DROSHA: variants seen among roughly 807,000 people sequenced by gnomAD.
DROSHA encodes drosha ribonuclease III, also known as ribonuclease 3.
In DROSHA, 56 loss-of-function variants were observed where a neutral mutation model predicts 181.9. The observed-to-expected ratio is 0.31, with a 90% CI of 0.25 to 0.38. The LOEUF (loss-of-function observed/expected upper bound fraction) is 0.38, where lower values mean the gene tolerates loss of function less well. Among genes scored for constraint, DROSHA ranks in the 10% least tolerant of loss-of-function variants. The probability of loss-of-function intolerance (pLI) is 1.00; values close to 1 mark genes in which losing one functional copy is unlikely to be tolerated. For missense variants in DROSHA, 1,218 were observed against 1,743.5 expected, an observed-to-expected ratio of 0.70 and a Z score of 5.37; for synonymous variants, 524 against 591.2, an observed-to-expected ratio of 0.89 and a Z score of 1.65.
At chr5:31,413,167 A>G (rs564526334) in intron 30 of DROSHA, among the ~76,000 whole-genome samples, 1 of 152,266 alleles carries the variant, frequency 6.6e-6, no homozygotes, top group East Asian at 1.9e-4. Flanking sequence ...TGAAGGAGGA[A>G]AGCAGTGAGG....
chr5:31,475,719 A>G (rs1186394382), intron 16 of DROSHA, among the ~76,000 whole-genome samples: 1 of 152,230 alleles, frequency 6.6e-6, no homozygotes, highest in Admixed American at 6.5e-5. Context: ...GGGGTCTAAA[A>G]TACCGTAAGA....
At position 31,525,393 on chromosome 5, in the gene DROSHA, A is replaced by G. The variant is rs568271877; in HGVS notation, c.854+686T>C. Among the ~76,000 whole-genome samples the G allele has an allele frequency of 4.0e-5, 6 of 148,656 alleles. No homozygotes were observed. In the South Asian group the frequency reaches 1.3e-3, roughly 32 times the overall value. On this transcript the variant is annotated intron_variant, in intron 5 of 35. Coordinates refer to ENST00000344624, the MANE Select transcript of DROSHA (RefSeq NM_001382508.1). ...GTCACGTGCACCTGTAATCCCAGCT[A>G]CTTGGGAGGCTGAGGTGAGAGAATT... is the stretch of plus-strand genomic sequence containing the variant.
intron 30 of DROSHA, among the ~76,000 whole-genome samples, chr5:31,415,230 T>G (rs1741795362): frequency 6.6e-6 from 1 of 152,162 alleles, no homozygotes; most frequent in African/African-American, 2.4e-5. Context: ...CTAGTGTAAA[T>G]TAAGCAGACT....
intron 19 of DROSHA, among the ~76,000 whole-genome samples, chr5:31,465,578 T>G (rs1363257172): frequency 1.3e-5 from 2 of 152,204 alleles, no homozygotes; most frequent in Admixed American, 6.5e-5. Context: ...TTTTAGGGAT[T>G]GATACAGTTA....
intron 15 of DROSHA, among the ~76,000 whole-genome samples, chr5:31,484,452 A>C (rs1751492247): frequency 6.7e-6 from 1 of 150,186 alleles, no homozygotes; most frequent in African/African-American, 2.4e-5. Flanking sequence ...TCCAAGAACC[A>C]AGCATCAAGT....
At chr5:31,439,662 CAT>C (rs1414394472) in intron 23 of DROSHA, among the ~76,000 whole-genome samples, 3 of 152,068 alleles carry the variant, frequency 2.0e-5, no homozygotes, top group Non-Finnish European at 2.9e-5. Context: ...TAGGAAAAAA[CAT>C]AGTACATAAA....
intron 30 of DROSHA, among the ~76,000 whole-genome samples, chr5:31,420,924 G>GAT (rs1341679700): frequency 6.6e-6 from 1 of 152,108 alleles, no homozygotes; most frequent in Non-Finnish European, 1.5e-5. Flanking sequence ...ATAAACTCAT[G>GAT]ATATATATAC....
intron 22 of DROSHA, 106 bp downstream of exon 22, chr5:31,449,175 A>C: frequency 7.1e-7 from 1 of 1,411,316 alleles, no homozygotes; most frequent in Non-Finnish European, 9.5e-7. Flanking sequence ...AGAATATGAG[A>C]CGGTGAAAGA....
Position 31,410,974 on chromosome 5 carries a change from G to A in DROSHA, c.3526-87C>T, listed in dbSNP as rs968774323. On this transcript the variant is annotated intron_variant, in intron 30 of 35. Coordinates refer to ENST00000344624, the MANE Select transcript of DROSHA (RefSeq NM_001382508.1). ...GGGTTGGACCCAACTAGCCTGAGAG[G>A]CTGTCACTGACAGGGACACCAAAAT... The A allele has an allele frequency of 4.5e-6, 7 of 1,557,956 alleles. No homozygotes were observed. The Admixed American group carries it at 1.3e-4, about 28-fold the overall frequency.
rs968712619 is a variant in DROSHA at position 31,424,339 on chromosome 5, A to G, written c.3261+88T>C. 4.7e-6 allele frequency: 7 copies of G among 1,481,152 alleles called. No homozygotes were observed. The African/African-American group carries it at 5.6e-5, about 12-fold the overall frequency. The allele number at this position is 1,481,152 out of a possible 1,614,324, so 91.8% of individuals were successfully genotyped here. ...ATGCCACCGAAGAGAATCAAAAGAT[A>G]AAAGTGGGGAAGGAAAAAAAGGCAA... On this transcript the variant is annotated intron_variant, in intron 28 of 35. Transcript: ENST00000344624.
rs397997264 is a variant in DROSHA at position 31,405,791 on chromosome 5, T to TTC, written c.3948-69_3948-68insGA. ...TCTTTTTTTTTTTTTTTTTTTTTTT[T>TTC]CAAAAAATGCAAGGTATGGCTACAA... On this transcript the variant is annotated intron_variant, in intron 34 of 35. Coordinates refer to ENST00000344624, the MANE Select transcript of DROSHA (RefSeq NM_001382508.1). The TTC allele has an allele frequency of 1.1e-4, 118 of 1,121,902 alleles. No individual in the cohort carries two copies. The African/African-American group carries it at 2.0e-3, about 19-fold the overall frequency. The allele number at this position is 1,121,902 out of a possible 1,614,324, so 69.5% of individuals were successfully genotyped here. A position where few individuals can be genotyped will look rare whatever the true frequency, so the allele number is the denominator to read the frequency against.
chr5:31,493,173 GA>G (rs1184066652), intron 13 of DROSHA, 33 bp downstream of exon 13: 2 of 1,579,830 alleles, frequency 1.3e-6, no homozygotes, highest in East Asian at 2.3e-5. Flanking sequence ...GAGGTACAAG[GA>G]AAGAGAAAAG....
chr5:31,495,236 T>C, intron 12 of DROSHA, 50 bp downstream of exon 12: 1 of 1,549,370 alleles, frequency 6.5e-7, no homozygotes, highest in Non-Finnish European at 8.9e-7. Context: ...ATTCACATTT[T>C]ACTCTATTTA....
intron 5 of DROSHA, 70 bp from the exon 6 acceptor site, chr5:31,521,285 T>C: frequency 1.3e-6 from 2 of 1,533,678 alleles, no homozygotes; most frequent in East Asian, 2.3e-5. Flanking sequence ...TTTCACTGAA[T>C]TCATCTTGTA....
At chr5:31,401,846 C>A (rs3805525) in intron 35 of DROSHA, among the ~76,000 whole-genome samples, 1 of 151,878 alleles carries the variant, frequency 6.6e-6, no homozygotes, top group Non-Finnish European at 1.5e-5. Context: ...AAAACACAGA[C>A]GTGTGGCTTG....
At chr5:31,489,645 G>A (rs758459252) in intron 13 of DROSHA, among the ~76,000 whole-genome samples, 3 of 147,660 alleles carry the variant, frequency 2.0e-5, no homozygotes, top group Non-Finnish European at 4.5e-5. Context: ...ATCCTATACT[G>A]ACTTATACTC....
intron 28 of DROSHA, 102 bp downstream of exon 28, chr5:31,424,325 G>A (rs1743191140): frequency 5.6e-6 from 8 of 1,428,524 alleles, no homozygotes; most frequent in Non-Finnish European, 7.7e-6. Context: ...TGCCACCGAA[G>A]AGAATCAAAA....
intron 17 of DROSHA, among the ~76,000 whole-genome samples, chr5:31,471,255 G>A (rs10472774): frequency 0.16 from 24,929 of 151,946 alleles, 4,747 homozygotes; most frequent in African/African-American, 0.46. Context: ...GCAGCTTTTT[G>A]GAAAACAACA....
intron 6 of DROSHA, among the ~76,000 whole-genome samples, chr5:31,517,313 CTTT>C (rs1739370153): frequency 6.6e-6 from 1 of 152,164 alleles, no homozygotes; most frequent in Admixed American, 6.5e-5. Flanking sequence ...CTACATACAA[CTTT>C]TATAAAGTCA....
Sources: allele counts gnomAD v4.1 joint callset (sites outside exome capture counted in the v4.1 genomes callset), GRCh38; gene constraint gnomAD v4.1.1; transcripts MANE v1.5; gene names NCBI Gene and HGNC (gene_info 2026-07-23, HGNC 2026-07-21).